Variants in CIBAR1 observed in about 807,000 individuals in gnomAD.
The protein encoded by CIBAR1 is CBY1-interacting BAR domain-containing protein 1.
In CIBAR1, 25 loss-of-function variants were observed where a neutral mutation model predicts 44.0. That is an observed-to-expected ratio of 0.57 (90% CI 0.41 to 0.79). The LOEUF (loss-of-function observed/expected upper bound fraction) is 0.79. Ranked by LOEUF, CIBAR1 falls within the 30% of genes least tolerant of loss-of-function variation. The pLI is 0.00. For synonymous variants in CIBAR1, 115 were observed against 119.0 expected, an observed-to-expected ratio of 0.97 and a Z score of 0.22; for missense variants, 278 against 344.8, an observed-to-expected ratio of 0.81 and a Z score of 1.53.
At chr8:93,707,306 G>T (rs1810632316) in intron 4 of CIBAR1, 1 of 336,012 alleles carries the variant, frequency 3.0e-6, no homozygotes, top group African/African-American at 2.2e-5. Context: ...TCAAGTAAAG[G>T]GATTTGAGAC....
At chr8:93,714,300 A>G (rs1810951416) in intron 6 of CIBAR1, among the ~76,000 whole-genome samples, 1 of 152,194 alleles carries the variant, frequency 6.6e-6, no homozygotes, top group African/African-American at 2.4e-5. Flanking sequence ...ATTTTTGTAT[A>G]CTGACTTATG....
chr8:93,724,754 C>T (rs1047107213), intron 7 of CIBAR1, among the ~76,000 whole-genome samples: 5 of 152,200 alleles, frequency 3.3e-5, no homozygotes, highest in South Asian at 2.1e-4. Flanking sequence ...TTCAGCTCCT[C>T]GGCCACGTGA....
chr8:93,728,731 AAAACTT>A lies in CIBAR1; in HGVS notation c.*435_*440del, dbSNP rs1171748088. On this transcript the variant is annotated 3_prime_UTR_variant, in exon 9 of 9. Transcript: ENST00000518322. Reference sequence around the variant, plus strand: ...TCTATTCCATGAAGCCTTAAGAAAAAAAACTTTTTTTAACTTTCCCTGAAACTTTAT... The same window carrying A: ...TCTATTCCATGAAGCCTTAAGAAAAATTTTTAACTTTCCCTGAAACTTTAT... 6.6e-6 allele frequency: 1 copy of A among 152,186 alleles called. No homozygotes were observed. The highest frequency in any genetic ancestry group is 1.5e-5 in the Non-Finnish European group (1 of 68,052). The allele number at this position is 152,186 out of a possible 1,614,324, so 9.4% of individuals were successfully genotyped here. A position where few individuals can be genotyped will look rare whatever the true frequency, so the allele number is the denominator to read the frequency against.
intron 6 of CIBAR1, 38 bp downstream of exon 6, chr8:93,709,913 A>T: frequency 6.8e-7 from 1 of 1,471,706 alleles, no homozygotes; most frequent in Non-Finnish European, 9.3e-7. Flanking sequence ...ACATGTTTTT[A>T]ACCTTTTTTT....
chr8:93,715,282 C>T (rs184653241), intron 6 of CIBAR1: 83 of 152,106 alleles, frequency 5.5e-4, no homozygotes, highest in African/African-American at 1.9e-3. Flanking sequence ...TTCACAGTTA[C>T]AAAAAAGGTA....
Position 93,700,673 on chromosome 8 carries a change from G to A in CIBAR1, c.26G>A (p.Arg9Gln). ...ATGATGAGGCGCACCCTGGAAAACC[G>A]GTAACAGCCCGAGCCCAGCTGCCCA... MMRRTLEN[R>Q]NAQTKQLQTA... Residue 9 changes from arginine to glutamine, a missense_variant and splice_region_variant, in exon 1 of 9, where the codon CGG (arginine) becomes CAG (glutamine). Coordinates refer to ENST00000518322, the MANE Select transcript of CIBAR1 (RefSeq NM_145269.5). 6.6e-7 allele frequency: 1 copy of A among 1,504,770 alleles called. No homozygotes were observed. The highest frequency in any genetic ancestry group is 8.9e-7 in the Non-Finnish European group (1 of 1,127,346). The allele number at this position is 1,504,770 out of a possible 1,614,324, so 93.2% of individuals were successfully genotyped here.
chr8:93,722,566 C>T (rs1156822061), intron 7 of CIBAR1, among the ~76,000 whole-genome samples: 7 of 152,132 alleles, frequency 4.6e-5, no homozygotes, highest in South Asian at 2.1e-4. Flanking sequence ...GGCATGGTGG[C>T]GCGTGCCTGT....
intron 6 of CIBAR1, among the ~76,000 whole-genome samples, chr8:93,715,188 G>A (rs1810994101): frequency 6.6e-6 from 1 of 152,130 alleles, no homozygotes. Flanking sequence ...AGAACTTAGT[G>A]TACAAAATGA....
At chr8:93,700,816 C>T in intron 1 of CIBAR1, 143 bp downstream of exon 1, 6 of 1,330,190 alleles carry the variant, frequency 4.5e-6, no homozygotes, top group Non-Finnish European at 5.7e-6. Flanking sequence ...GACCTGGGGC[C>T]TAATTCCTTG....
rs1332973691 is a variant in CIBAR1 at position 93,729,509 on chromosome 8, ATT to A, written c.*1214_*1215del. 1 of 152,142 alleles carries A rather than the reference ATT, an allele frequency of 6.6e-6. No homozygotes were observed. Among genetic ancestry groups the A allele is most frequent in the African/African-American group, 2.4e-5 (1 of 41,436 alleles). The allele number at this position is 152,142 out of a possible 1,614,324, so 9.4% of individuals were successfully genotyped here. On this transcript the variant is annotated 3_prime_UTR_variant, in exon 9 of 9. Coordinates refer to ENST00000518322, the MANE Select transcript of CIBAR1 (RefSeq NM_145269.5). ...TAAATAGCAACTTCTCTTGAGCATT[ATT>A]TGCCTTGTTTGTAAAGTTAAAACTG...
At chr8:93,726,628 T>C (rs1811519752) in intron 8 of CIBAR1, 115 bp downstream of exon 8, 10 of 1,204,718 alleles carry the variant, frequency 8.3e-6, no homozygotes, top group African/African-American at 4.6e-5. Context: ...CCCCTGGACC[T>C]ATTTCTTCTC....
rs1212189069 is a variant in CIBAR1, at chr8:93,728,212, C to T, written c.785C>T (p.Thr262Ile). 7 of 1,574,996 alleles carry T rather than the reference C, an allele frequency of 4.4e-6. No homozygotes were observed. The highest frequency in any genetic ancestry group is 2.8e-5 in the African/African-American group (2 of 72,524). ...TGTGTTAACTTTTAACAGGTATCCA[C>T]TTGTCGACTAAGAAAGGATCAACAA... ...KCVSGTGQVS[T>I]CRLRKDQQAE... The change falls in exon 9 of 9, where the codon ACT becomes ATT. Residue 262 changes from threonine (T) to isoleucine (I), a missense_variant. Physicochemically the swap from Thr to Ile is moderately conservative, Grantham distance 89. Around this residue, in one of 3 missense-constraint regions of CIBAR1, gnomAD observed 93 missense variants for 108.9 expected, o/e 0.85. Transcript: ENST00000518322.
chr8:93,709,784 T>TGC lies in CIBAR1; in HGVS notation c.452_453insGC (p.Gln152HisfsTer27). Reference sequence around the variant, plus strand: ...ATACTTTTGTAGGCAGAAACGGAATTACAGAGAGCTGCAATGGATGCTAGC... The same window carrying TGC: ...ATACTTTTGTAGGCAGAAACGGAATTGCACAGAGAGCTGCAATGGATGCTAGC... On this transcript the variant is annotated frameshift_variant, in exon 6 of 9. Coordinates refer to ENST00000518322, the MANE Select transcript of CIBAR1 (RefSeq NM_145269.5). LOFTEE classifies it high-confidence loss of function. 6.2e-7 allele frequency: 1 copy of TGC among 1,613,372 alleles called. No individual in the cohort carries two copies. Among genetic ancestry groups the TGC allele is most frequent in the Non-Finnish European group, 8.5e-7 (1 of 1,179,674 alleles).
At chr8:93,704,509 C>T (rs953594752) in intron 3 of CIBAR1, among the ~76,000 whole-genome samples, 1 of 152,188 alleles carries the variant, frequency 6.6e-6, no homozygotes, top group African/African-American at 2.4e-5. Context: ...CACCACTCAC[C>T]TGCTGTGCTG....
intron 6 of CIBAR1, among the ~76,000 whole-genome samples, chr8:93,717,276 C>T (rs1458866899): frequency 6.6e-6 from 1 of 152,178 alleles, no homozygotes; most frequent in African/African-American, 2.4e-5. Context: ...ATCATAAGGA[C>T]ACTAACAACT....
chr8:93,712,745 A>T (rs1810873950), intron 6 of CIBAR1, among the ~76,000 whole-genome samples: 1 of 151,406 alleles, frequency 6.6e-6, no homozygotes, highest in African/African-American at 2.4e-5. Context: ...AGTGGATTTG[A>T]AGTAGTAGTT....
At chr8:93,713,038 T>TC (rs757654315) in intron 6 of CIBAR1, among the ~76,000 whole-genome samples, 4 of 145,354 alleles carry the variant, frequency 2.8e-5, no homozygotes, top group African/African-American at 5.1e-5. Flanking sequence ...TTTTTCTTTT[T>TC]TTTTTTTTTT....
chr8:93,708,418 G>A (rs1029634577), intron 5 of CIBAR1, among the ~76,000 whole-genome samples: 1 of 152,080 alleles, frequency 6.6e-6, no homozygotes, highest in African/African-American at 2.4e-5. Flanking sequence ...TATGGCTGTT[G>A]AATTCTTGAA....
Position 93,730,549 on chromosome 8 carries a change from G to A in CIBAR1, c.*2252G>A, listed in dbSNP as rs1811749652. 1 of 152,182 alleles carries A rather than the reference G, an allele frequency of 6.6e-6. No individual in the cohort carries two copies. The highest frequency in any genetic ancestry group is 1.5e-5 in the Non-Finnish European group (1 of 68,046). The allele number at this position is 152,182 out of a possible 1,614,324, so 9.4% of individuals were successfully genotyped here. On this transcript the variant is annotated 3_prime_UTR_variant, in exon 9 of 9. Coordinates refer to ENST00000518322, the MANE Select transcript of CIBAR1 (RefSeq NM_145269.5). Reference sequence around the variant, plus strand: ...GACAATTACTGAAGCTGAGTGATGTGTACATGAAAATTTACTATTCTTTTT... The same window carrying A: ...GACAATTACTGAAGCTGAGTGATGTATACATGAAAATTTACTATTCTTTTT...
Sources: gnomAD v4.1 joint callset for allele counts (sites outside exome capture counted in the v4.1 genomes callset) on GRCh38, gnomAD v4.1.1 for gene constraint, gnomAD v4.1.1 regional missense constraint, MANE v1.5 for transcripts, NCBI Gene and HGNC (gene_info 2026-07-23, HGNC 2026-07-21) for gene names.